Variants in STK26 observed in about 807,000 individuals in gnomAD.
The protein encoded by STK26 is serine/threonine-protein kinase 26.
In STK26, 14 loss-of-function variants were observed where a neutral mutation model predicts 34.7. The observed-to-expected ratio is 0.40, with a 90% CI of 0.27 to 0.63. The LOEUF (loss-of-function observed/expected upper bound fraction) is 0.63, where lower values mean the gene tolerates loss of function less well. STK26 is among the 30% of genes least tolerant of loss of function. STK26 has a pLI of 0.38. For synonymous variants in STK26, 100 were observed against 109.8 expected, an observed-to-expected ratio of 0.91 and a Z score of 0.56; for missense variants, 226 against 309.1, an observed-to-expected ratio of 0.73 and a Z score of 2.02.
At chrX:132,049,563 G>A (rs1224296849) in intron 2 of STK26, among the ~76,000 whole-genome samples, 1 of 111,979 alleles carries the variant, frequency 8.9e-6, no homozygotes, top group Non-Finnish European at 1.9e-5. Flanking sequence ...TAAACAGGTA[G>A]CTAAATATCT....
intron 9 of STK26, 66 bp from the exon 10 acceptor site, chrX:132,072,747 A>G: frequency 2.7e-6 from 3 of 1,091,616 alleles, no homozygotes; most frequent in Non-Finnish European, 3.8e-6. Context: ...CGTATTTGTT[A>G]AAGAATAAGA....
At chrX:132,061,333 TAC>T (rs1413768502) in intron 3 of STK26, among the ~76,000 whole-genome samples, 1 of 112,139 alleles carries the variant, frequency 8.9e-6, no homozygotes, top group Non-Finnish European at 1.9e-5. Flanking sequence ...AGTATAAAGG[TAC>T]ATCAGAGTCA....
chrX:132,048,692 A>G (rs1926582445), intron 2 of STK26, among the ~76,000 whole-genome samples: 2 of 111,844 alleles, frequency 1.8e-5, no homozygotes, highest in South Asian at 7.4e-4. Flanking sequence ...AAGACTTACC[A>G]TTTTAACATA....
At chrX:132,069,791 G>A in intron 7 of STK26, 128 bp downstream of exon 7, 1 of 370,936 alleles carries the variant, frequency 2.7e-6, no homozygotes, top group Admixed American at 6.3e-5. Context: ...CAGGAACCTG[G>A]TTCGTCCTTC....
intron 3 of STK26, among the ~76,000 whole-genome samples, chrX:132,055,851 TA>T (rs1240935920): frequency 3.6e-5 from 4 of 112,046 alleles, no homozygotes; most frequent in Non-Finnish European, 5.6e-5. Flanking sequence ...GCTGACCAAA[TA>T]AAACTTCGGA....
chrX:132,072,321 T>A lies in STK26; in HGVS notation c.986T>A (p.Val329Glu). The change falls in exon 9 of 12, where the codon GTA becomes GAA. Residue 329 changes from valine to glutamate, a missense_variant. Transcript: ENST00000394334. Reference sequence around the variant, plus strand: ...CATCCTGAATGGAGCTTTACCACCGTACGAAAGAAGCCTGATCCAAAGAAA... The same window carrying A: ...CATCCTGAATGGAGCTTTACCACCGAACGAAAGAAGCCTGATCCAAAGAAA... ...NTHPEWSFTT[V>E]RKKPDPKKVQ... The A allele has an allele frequency of 8.3e-7, 1 of 1,208,873 alleles. No homozygotes were observed. Among genetic ancestry groups the A allele is most frequent in the Non-Finnish European group, 1.1e-6 (1 of 893,293 alleles).
Position 132,050,249 on chromosome X carries a change from T to C in STK26, c.43-4382T>C, listed in dbSNP as rs775314850. ...CTAAAATTTTATCCTTCATCAATGT[T>C]GGCTGTTATCCTCAAAACTCTGTCA... On this transcript the variant is annotated intron_variant, in intron 2 of 11. Transcript: ENST00000394334. Among the ~76,000 whole-genome samples, 2 of 111,836 alleles carry C rather than the reference T, an allele frequency of 1.8e-5. 1 individual carries two copies. Among genetic ancestry groups the C allele is most frequent in the South Asian group, 7.5e-4 (2 of 2,680 alleles).
At chrX:132,031,091 C>G (rs1015770512) in intron 2 of STK26, among the ~76,000 whole-genome samples, 1 of 110,549 alleles carries the variant, frequency 9.0e-6, no homozygotes, top group Non-Finnish European at 1.9e-5. Context: ...TTGTCGCCAC[C>G]ATGCCTGGCT....
In STK26 at chrX:132,040,067, A is replaced by T. The variant is rs1926206593; in HGVS notation, c.43-14564A>T. On this transcript the variant is annotated intron_variant, in intron 2 of 11. Coordinates refer to ENST00000394334, the MANE Select transcript of STK26 (RefSeq NM_016542.4). ...CATCTAAGGGCCAAATACTGTCTGT[A>T]ACCTAGTCATGTGAGGCCTGCAAGC... Among the ~76,000 whole-genome samples, 5 of 112,151 alleles carry T rather than the reference A, an allele frequency of 4.5e-5. No individual in the cohort carries two copies. In the South Asian group the frequency reaches 1.8e-3, roughly 41 times the overall value.
chrX:132,055,422 C>T lies in STK26; in HGVS notation c.273+561C>T, dbSNP rs778031633. 39 of 1,107,893 alleles carry T rather than the reference C, an allele frequency of 3.5e-5. No homozygotes were observed. In the South Asian group the frequency reaches 7.2e-4, roughly 20 times the overall value. 91.3% of individuals were successfully genotyped at this position (1,107,893 alleles called of 1,213,427 possible). On this transcript the variant is annotated intron_variant, in intron 3 of 11. Coordinates refer to ENST00000394334, the MANE Select transcript of STK26 (RefSeq NM_016542.4). ...TAAGTGGAATAACATCTGCCTCCCC[C>T]TCCAAATAAAAGTTGGATTTTTACT... is the stretch of plus-strand genomic sequence containing the variant.
At chrX:132,040,555 G>C (rs951386152) in intron 2 of STK26, among the ~76,000 whole-genome samples, 2 of 111,267 alleles carry the variant, frequency 1.8e-5, no homozygotes, top group Admixed American at 1.9e-4. Flanking sequence ...TATTTTTCTC[G>C]GTTTCTAGAG....
At chrX:132,029,301 G>C (rs986948145) in intron 2 of STK26, among the ~76,000 whole-genome samples, 1 of 111,843 alleles carries the variant, frequency 8.9e-6, no homozygotes, top group Non-Finnish European at 1.9e-5. Context: ...TTCATATTCA[G>C]TGACCTTGAG....
intron 8 of STK26, among the ~76,000 whole-genome samples, chrX:132,071,969 A>C (rs1569337073): frequency 9.0e-6 from 1 of 111,657 alleles, no homozygotes; most frequent in Non-Finnish European, 1.9e-5. Context: ...GGAACCTTAA[A>C]GCAATCACAA....
At chrX:132,056,570 T>C (rs1401110651) in intron 3 of STK26, among the ~76,000 whole-genome samples, 2 of 111,399 alleles carry the variant, frequency 1.8e-5, no homozygotes, top group African/African-American at 6.5e-5. Flanking sequence ...GCCGAGTAGA[T>C]CCCTTTTGGC....
At chrX:132,036,430 A>T in intron 2 of STK26, among the ~76,000 whole-genome samples, 1 of 111,227 alleles carries the variant, frequency 9.0e-6, no homozygotes. Flanking sequence ...CCCTGTCTCT[A>T]CTCAAAATAC....
chrX:132,070,411 A>G (rs1408748537), intron 7 of STK26, among the ~76,000 whole-genome samples: 1 of 112,109 alleles, frequency 8.9e-6, no homozygotes, highest in Non-Finnish European at 1.9e-5. Flanking sequence ...AGCTCCATTC[A>G]TTTACTTGGT....
intron 3 of STK26, among the ~76,000 whole-genome samples, chrX:132,058,779 T>A (rs1926948520): frequency 1.8e-5 from 2 of 111,492 alleles, no homozygotes; most frequent in Admixed American, 9.5e-5. Context: ...CCTTCACCCA[T>A]CATTAACTAA....
At chrX:132,068,643 A>G in intron 6 of STK26, 74 bp downstream of exon 6, 1 of 987,544 alleles carries the variant, frequency 1.0e-6, no homozygotes, top group Non-Finnish European at 1.4e-6. Flanking sequence ...TAGTTAATAC[A>G]CTGCCTTATT....
At chrX:132,024,694 C>G (rs1395249856) in intron 2 of STK26, among the ~76,000 whole-genome samples, 2 of 108,499 alleles carry the variant, frequency 1.8e-5, no homozygotes, top group Non-Finnish European at 3.8e-5. Context: ...GCTTATATTT[C>G]TAGTAGAAAT....
Sources: allele counts gnomAD v4.1 joint callset (sites outside exome capture counted in the v4.1 genomes callset), GRCh38; gene constraint gnomAD v4.1.1; transcripts MANE v1.5; gene names NCBI Gene and HGNC (gene_info 2026-07-23, HGNC 2026-07-21).